PCDHGA5: variants seen among roughly 807,000 people sequenced by gnomAD.
The protein encoded by PCDHGA5 is protocadherin gamma-A5.
A neutral mutation model predicts 56.7 loss-of-function variants in PCDHGA5; 36 were observed. That is an observed-to-expected ratio of 0.64 (90% CI 0.49 to 0.84). The LOEUF is 0.84. PCDHGA5 is among the 40% of genes least tolerant of loss of function. PCDHGA5 has a pLI of 0.00. For missense variants in PCDHGA5, 1,305 were observed against 1,201.5 expected (o/e 1.09, Z -1.27); for synonymous variants, 563 against 520.2 (o/e 1.08, Z -1.12).
intron 1 of PCDHGA5, chr5:141,415,029 G>C (rs777967290): frequency 6.2e-7 from 1 of 1,613,552 alleles, no homozygotes; most frequent in South Asian, 1.1e-5. Flanking sequence ...CCAGCGAGCC[G>C]GGACTCTTCG....
At chr5:141,372,615 C>T (rs1244865693) in intron 1 of PCDHGA5, 1 of 1,613,968 alleles carries the variant, frequency 6.2e-7, no homozygotes, top group South Asian at 1.1e-5. Context: ...TGGAGTTCTC[C>T]CCACCTACAG....
chr5:141,421,400 G>A (rs2096569762), intron 1 of PCDHGA5: 1 of 1,614,060 alleles, frequency 6.2e-7, no homozygotes, highest in Non-Finnish European at 8.5e-7. Context: ...CTGGAGCCCC[G>A]GGAGCTGGCG....
intron 1 of PCDHGA5, chr5:141,403,051 C>T (rs1273209859): frequency 3.7e-6 from 6 of 1,614,086 alleles, no homozygotes; most frequent in Admixed American, 1.7e-5. Context: ...AGATTCGCTA[C>T]TCAGTGCCTG....
At chr5:141,507,262 G>A (rs1294679320) in intron 3 of PCDHGA5, 6 of 151,748 alleles carry the variant, frequency 4.0e-5, no homozygotes, top group Non-Finnish European at 8.8e-5. Flanking sequence ...TAAACAGCAA[G>A]TACTATTTCA....
intron 1 of PCDHGA5, among the ~76,000 whole-genome samples, chr5:141,459,386 T>C (rs1283863283): frequency 6.6e-6 from 1 of 152,260 alleles, no homozygotes; most frequent in African/African-American, 2.4e-5. Context: ...GTGTTCCATT[T>C]GATTGTTGAG....
rs769074023 is a variant in PCDHGA5, at chr5:141,491,738, G to A, written c.2422-3069G>A. ...GCGCCGCCCCGGGCGACCCCTGGGG[G>A]CGGCACTGGAGAAGCCGCCCGTCCT... On this transcript the variant is annotated intron_variant, in intron 1 of 3. Transcript: ENST00000518069. The surrounding 1 kb of genome is among the most constrained non-coding windows in gnomAD (Gnocchi z 6.9). 6.2e-7 allele frequency: 1 copy of A among 1,600,346 alleles called. No homozygotes were observed. The highest frequency in any genetic ancestry group is 8.5e-7 in the Non-Finnish European group (1 of 1,174,196).
intron 1 of PCDHGA5, chr5:141,393,113 G>C: frequency 6.2e-7 from 1 of 1,613,500 alleles, no homozygotes. Flanking sequence ...CTCAGAGCCC[G>C]CGGTGTCTGA....
intron 1 of PCDHGA5, among the ~76,000 whole-genome samples, chr5:141,453,135 A>G (rs932061368): frequency 6.6e-6 from 1 of 151,778 alleles, no homozygotes; most frequent in Non-Finnish European, 1.5e-5. Context: ...TGTTTTTGAG[A>G]TAGGGTCTCG....
rs551220443 is a variant in PCDHGA5, at chr5:141,432,206, G to A, written c.2422-62601G>A. On this transcript the variant is annotated intron_variant, in intron 1 of 3. Transcript: ENST00000518069. The surrounding 1 kb of genome is among the most constrained non-coding windows in gnomAD (Gnocchi z 6.0). ...GACCGCCCACGACCCCGACTGTGAA[G>A]AGAACGCCCAGATCACTTATTCCCT... The A allele has an allele frequency of 6.2e-7, 1 of 1,614,096 alleles. No individual in the cohort carries two copies. Among genetic ancestry groups the A allele is most frequent in the Non-Finnish European group, 8.5e-7 (1 of 1,180,042 alleles).
At chr5:141,450,067 T>C (rs1007808503) in intron 1 of PCDHGA5, among the ~76,000 whole-genome samples, 4 of 147,604 alleles carry the variant, frequency 2.7e-5, no homozygotes, top group African/African-American at 1.0e-4. Context: ...AATGCAGTGG[T>C]ATGATCTTGG....
Position 141,477,553 on chromosome 5 carries a change from A to G in PCDHGA5, c.2422-17254A>G. ...TCCCCGGGGCTCCAATACTAAACCTAAGTGTCTGGGACCCCGACGCCCCGC... is the reference window on the plus strand; with the variant it reads ...TCCCCGGGGCTCCAATACTAAACCTGAGTGTCTGGGACCCCGACGCCCCGC... On this transcript the variant is annotated intron_variant, in intron 1 of 3. Transcript: ENST00000518069. This position sits in a 1 kb window ranked among gnomAD's most constrained non-coding sequence, Gnocchi z 4.9. 5 of 1,614,090 alleles carry G rather than the reference A, an allele frequency of 3.1e-6. No individual in the cohort carries two copies. The highest frequency in any genetic ancestry group is 4.2e-6 in the Non-Finnish European group (5 of 1,180,020).
intron 1 of PCDHGA5, chr5:141,385,433 G>A (rs2024141): frequency 0.085 from 123,181 of 1,452,862 alleles, 5,787 homozygotes; most frequent in East Asian, 0.14. Context: ...ACTTTATAGA[G>A]GTAAAAATGA....
chr5:141,505,255 C>T (rs2099844853), intron 2 of PCDHGA5, 138 bp from the exon 3 acceptor site: 1 of 1,481,112 alleles, frequency 6.8e-7, no homozygotes, highest in Admixed American at 2.1e-5. Context: ...AGAAGTGCCT[C>T]CTACCTTGCT....
chr5:141,429,048 G>A (rs2097180589), intron 1 of PCDHGA5: 5 of 152,064 alleles, frequency 3.3e-5, no homozygotes, highest in Admixed American at 3.3e-4. Context: ...TACAGACGGG[G>A]TTTCACCGTG....
chr5:141,422,670 C>CA (rs754910458), intron 1 of PCDHGA5: 6 of 1,607,126 alleles, frequency 3.7e-6, no homozygotes, highest in Non-Finnish European at 1.7e-6. Flanking sequence ...TCGACCCGGA[C>CA]AGCAAACAGA....
rs188338684 is a variant in PCDHGA5, at chr5:141,431,953, C to T, written c.2422-62854C>T. ...TGCCCTTTAAATTAGAAAAATCTTA[C>T]GGAAATTACTATAGTTTAGTCACAG... On this transcript the variant is annotated intron_variant, in intron 1 of 3. Transcript: ENST00000518069. The surrounding 1 kb of genome is among the most constrained non-coding windows in gnomAD (Gnocchi z 4.8). 2.4e-5 allele frequency: 38 copies of T among 1,614,082 alleles called. No homozygotes were observed. In the East Asian group the frequency reaches 7.6e-4, roughly 32 times the overall value.
chr5:141,394,007 A>G lies in PCDHGA5; in HGVS notation c.2421+27256A>G, dbSNP rs1230558462. The G allele has an allele frequency of 3.7e-6, 6 of 1,613,344 alleles. No homozygotes were observed. The East Asian group carries it at 1.3e-4, about 36-fold the overall frequency. Reference sequence around the variant, plus strand: ...TACCTTTTAAATTAGAAAAGTCAATAGGTAATTATTATAGATTAGTGACAA... The same window carrying G: ...TACCTTTTAAATTAGAAAAGTCAATGGGTAATTATTATAGATTAGTGACAA... On this transcript the variant is annotated intron_variant, in intron 1 of 3. Coordinates refer to ENST00000518069, the MANE Select transcript of PCDHGA5 (RefSeq NM_018918.3).
At position 141,446,758 on chromosome 5, in the gene PCDHGA5, C is replaced by T. The variant is rs776925316; in HGVS notation, c.2422-48049C>T. Among the ~76,000 whole-genome samples, 10 of 152,208 alleles carry T rather than the reference C, an allele frequency of 6.6e-5. 1 individual carries two copies. Among genetic ancestry groups the T allele is most frequent in the African/African-American group, 9.7e-5 (4 of 41,448 alleles). On this transcript the variant is annotated intron_variant, in intron 1 of 3. Transcript: ENST00000518069. ...TGGGGATTACAGGCGTGAGCCACCG[C>T]GCCCAGCCGGTTACCATTCTTTTAC...
At chr5:141,393,970 C>T (rs746781669) in intron 1 of PCDHGA5, 5 of 1,613,870 alleles carry the variant, frequency 3.1e-6, no homozygotes, top group Middle Eastern at 3.3e-4. Flanking sequence ...GTCTGTTACA[C>T]ACGTGATAAT....
Sources: gnomAD v4.1 joint callset for allele counts (sites outside exome capture counted in the v4.1 genomes callset) on GRCh38, gnomAD v4.1.1 for gene constraint, Gnocchi (gnomAD v3.1) non-coding constraint, MANE v1.5 for transcripts, NCBI Gene and HGNC (gene_info 2026-07-23, HGNC 2026-07-21) for gene names.